The following EFCAB6 variants were observed in gnomAD, a reference collection of about 807,000 sequenced individuals.
EFCAB6 encodes EF-hand calcium-binding domain-containing protein 6.
Under a neutral mutation model 169.8 loss-of-function variants are expected in EFCAB6, and 156 were observed. That is an observed-to-expected ratio of 0.92 (90% CI 0.81 to 1.05). The LOEUF (loss-of-function observed/expected upper bound fraction) is 1.05, where lower values mean the gene tolerates loss of function less well. EFCAB6 is among the 50% of genes least tolerant of loss of function. EFCAB6 has a pLI of 0.00. For synonymous variants in EFCAB6, 698 were observed against 676.4 expected (o/e 1.03, Z -0.50); for missense variants, 1,800 against 1,829.1 (o/e 0.98, Z 0.29).
intron 27 of EFCAB6, among the ~76,000 whole-genome samples, chr22:43,545,852 T>G (rs1259413779): frequency 6.6e-6 from 1 of 152,190 alleles, no homozygotes; most frequent in Non-Finnish European, 1.5e-5. Context: ...CCTAATCATC[T>G]TCGTAGACAA....
intron 13 of EFCAB6, among the ~76,000 whole-genome samples, chr22:43,675,733 T>G (rs889362877): frequency 6.8e-6 from 1 of 147,958 alleles, no homozygotes; most frequent in Non-Finnish European, 1.5e-5. Flanking sequence ...CAAGATGTAA[T>G]TAATTAATGT....
chr22:43,600,368 C>A, intron 22 of EFCAB6, 105 bp from the exon 23 acceptor site: 1 of 1,143,194 alleles, frequency 8.7e-7, no homozygotes, highest in Admixed American at 2.1e-5. Context: ...AGCTCGTCTT[C>A]CATCCCTCAC....
chr22:43,641,530 C>T (rs1161006799), intron 17 of EFCAB6, among the ~76,000 whole-genome samples: 3 of 151,290 alleles, frequency 2.0e-5, no homozygotes, highest in South Asian at 2.1e-4. Context: ...GCAGGAGGAT[C>T]GCTTGAACCT....
intron 11 of EFCAB6, among the ~76,000 whole-genome samples, chr22:43,686,542 C>T (rs144173125): frequency 1.7e-3 from 257 of 152,268 alleles, no homozygotes; most frequent in Middle Eastern, 0.01. Flanking sequence ...CTCTAGACAA[C>T]GTGCTATTGG....
At chr22:43,648,724 AAAT>A (rs924076583) in intron 17 of EFCAB6, among the ~76,000 whole-genome samples, 2 of 152,184 alleles carry the variant, frequency 1.3e-5, no homozygotes, top group African/African-American at 2.4e-5. Flanking sequence ...AAATTATTGT[AAAT>A]AATAATAATA....
chr22:43,756,593 C>T (rs1178770330), intron 5 of EFCAB6, among the ~76,000 whole-genome samples: 1 of 152,176 alleles, frequency 6.6e-6, no homozygotes, highest in Non-Finnish European at 1.5e-5. Flanking sequence ...GTCCATGCCT[C>T]CTACCTGCCA....
intron 10 of EFCAB6, among the ~76,000 whole-genome samples, chr22:43,688,428 T>C (rs993791761): frequency 1.3e-5 from 2 of 152,138 alleles, no homozygotes; most frequent in Non-Finnish European, 2.9e-5. Context: ...AATTGGAAAA[T>C]TGTTCAAAAA....
Position 43,537,274 on chromosome 22 carries a change from G to C in EFCAB6, c.4048+103C>G. On this transcript the variant is annotated intron_variant, in intron 29 of 31. Coordinates refer to ENST00000262726, the MANE Select transcript of EFCAB6 (RefSeq NM_022785.4). This position sits in a 1 kb window ranked among gnomAD's most constrained non-coding sequence, Gnocchi z 4.3. ...GTTCCCACCAGTTTCCTGTTCTGCT[G>C]CTCCCTGGCCTCCACCCGGGGTGTG... is the stretch of plus-strand genomic sequence containing the variant. 1 of 1,420,452 alleles carries C rather than the reference G, an allele frequency of 7.0e-7. No homozygotes were observed. Among genetic ancestry groups the C allele is most frequent in the African/African-American group, 1.4e-5 (1 of 69,982 alleles). The allele number at this position is 1,420,452 out of a possible 1,614,324, so 88.0% of individuals were successfully genotyped here. A position where few individuals can be genotyped will look rare whatever the true frequency, so the allele number is the denominator to read the frequency against.
At chr22:43,696,790 G>A (rs980197468) in intron 10 of EFCAB6, among the ~76,000 whole-genome samples, 8 of 152,174 alleles carry the variant, frequency 5.3e-5, no homozygotes, top group African/African-American at 1.9e-4. Flanking sequence ...GTTGCCGGAG[G>A]TGGGGGTCAC....
rs541738391 is a variant in EFCAB6 at position 43,776,102 on chromosome 22, G to C, written c.140-2999C>G. Among the ~76,000 whole-genome samples, 105 of 152,378 alleles carry C rather than the reference G, an allele frequency of 6.9e-4. 1 individual carries two copies. The highest frequency in any genetic ancestry group is 2.5e-3 in the African/African-American group (103 of 41,592). ...GAAAAGGCTTATGGAAAGAGAATGA[G>C]TTCAGCCTGGGATATCTAAGCGGGA... On this transcript the variant is annotated intron_variant, in intron 3 of 31. Transcript: ENST00000262726.
At chr22:43,683,690 T>G in intron 12 of EFCAB6, 57 bp downstream of exon 12, 1 of 1,244,994 alleles carries the variant, frequency 8.0e-7, no homozygotes, top group Non-Finnish European at 1.2e-6. Context: ...TTGTTCTGAG[T>G]GTTTGCATTC....
intron 6 of EFCAB6, among the ~76,000 whole-genome samples, chr22:43,742,659 C>G (rs968023962): frequency 7.2e-5 from 11 of 152,248 alleles, no homozygotes; most frequent in African/African-American, 2.7e-4. Flanking sequence ...GAGACCTGGT[C>G]CCAGCCCCAC....
intron 20 of EFCAB6, among the ~76,000 whole-genome samples, chr22:43,619,571 A>G (rs1359299995): frequency 6.6e-6 from 1 of 152,224 alleles, no homozygotes; most frequent in Non-Finnish European, 1.5e-5. Context: ...AAGAAAGAAG[A>G]AGGAAAAAGG....
chr22:43,606,238 T>C (rs1345572354), intron 22 of EFCAB6, among the ~76,000 whole-genome samples: 2 of 152,242 alleles, frequency 1.3e-5, no homozygotes, highest in Non-Finnish European at 2.9e-5. Context: ...TATTAGCGCT[T>C]GATTTCTGAG....
At chr22:43,746,140 G>C (rs375967081) in intron 6 of EFCAB6, among the ~76,000 whole-genome samples, 2 of 152,180 alleles carry the variant, frequency 1.3e-5, no homozygotes, top group African/African-American at 4.8e-5. Context: ...AGCGGGGGCC[G>C]GGCATCGCTC....
intron 23 of EFCAB6, among the ~76,000 whole-genome samples, chr22:43,593,513 C>T (rs557829620): frequency 1.6e-4 from 24 of 152,274 alleles, no homozygotes; most frequent in African/African-American, 5.5e-4. Flanking sequence ...TCCACTTTTT[C>T]ATTAGCTTTA....
At chr22:43,787,222 G>A (rs75170664) in intron 2 of EFCAB6, among the ~76,000 whole-genome samples, 12,207 of 152,066 alleles carry the variant, frequency 0.08, 661 homozygotes, top group South Asian at 0.21. Flanking sequence ...AGAGCAGTTA[G>A]GCAAGAAAAA....
chr22:43,720,818 G>T (rs1285173522), intron 8 of EFCAB6, among the ~76,000 whole-genome samples: 1 of 151,974 alleles, frequency 6.6e-6, no homozygotes, highest in Admixed American at 6.6e-5. Context: ...CCAAACAATG[G>T]AATGGAAAAA....
At chr22:43,561,404 A>C (rs2049025976) in intron 26 of EFCAB6, among the ~76,000 whole-genome samples, 1 of 151,992 alleles carries the variant, frequency 6.6e-6, no homozygotes, top group African/African-American at 2.4e-5. Flanking sequence ...AGAAACTACA[A>C]AAAGGCACAA....
Sources: gnomAD v4.1 joint callset for allele counts (sites outside exome capture counted in the v4.1 genomes callset) on GRCh38, gnomAD v4.1.1 for gene constraint, Gnocchi (gnomAD v3.1) non-coding constraint, MANE v1.5 for transcripts, NCBI Gene and HGNC (gene_info 2026-07-23, HGNC 2026-07-21) for gene names.